Variants in FAM13A observed in about 807,000 individuals in gnomAD.
The protein encoded by FAM13A is family with sequence similarity 13 member A.
FAM13A carries 76 observed loss-of-function variants against 129.6 expected under a neutral mutation model. That is an observed-to-expected ratio of 0.59 (90% confidence interval 0.49 to 0.71). The LOEUF (loss-of-function observed/expected upper bound fraction) is 0.71. Ranked by LOEUF, FAM13A falls within the 30% of genes least tolerant of loss-of-function variation. The pLI is 0.00. For missense variants in FAM13A, 1,108 were observed against 1,249.3 expected (o/e 0.89, Z 1.70); for synonymous variants, 443 against 449.9 (o/e 0.98, Z 0.20).
intron 4 of FAM13A, among the ~76,000 whole-genome samples, chr4:88,987,413 C>G (rs896233858): frequency 6.6e-6 from 1 of 152,104 alleles, no homozygotes; most frequent in South Asian, 2.1e-4. Flanking sequence ...AATGCCACAG[C>G]CTTACAATAC....
intron 1 of FAM13A, among the ~76,000 whole-genome samples, chr4:89,047,559 A>G (rs571436865): frequency 6.4e-4 from 97 of 152,322 alleles, no homozygotes; most frequent in African/African-American, 2.2e-3. Context: ...AATTACATTG[A>G]GAAACATTTA....
At chr4:88,835,714 GT>G (rs1286864370) in intron 7 of FAM13A, among the ~76,000 whole-genome samples, 1 of 151,990 alleles carries the variant, frequency 6.6e-6, no homozygotes, top group African/African-American at 2.4e-5. Flanking sequence ...TGCATGTGTA[GT>G]TCCCAATAGG....
At chr4:89,008,444 T>C (rs1283944584) in intron 3 of FAM13A, among the ~76,000 whole-genome samples, 1 of 152,130 alleles carries the variant, frequency 6.6e-6, no homozygotes, top group Non-Finnish European at 1.5e-5. Flanking sequence ...AAAAGAGCCC[T>C]CACCAGAAAC....
chr4:88,946,168 C>G (rs1386270664), intron 4 of FAM13A, among the ~76,000 whole-genome samples: 1 of 150,668 alleles, frequency 6.6e-6, no homozygotes, highest in African/African-American at 2.4e-5. Flanking sequence ...TTGTTCTATT[C>G]CCCTTACCTA....
chr4:88,947,993 G>A (rs1461034142), intron 4 of FAM13A, among the ~76,000 whole-genome samples: 1 of 151,902 alleles, frequency 6.6e-6, no homozygotes, highest in Non-Finnish European at 1.5e-5. Context: ...GAATGATTAG[G>A]GAAAAAAGTC....
At chr4:89,001,325 T>C (rs542892887) in intron 3 of FAM13A, among the ~76,000 whole-genome samples, 2 of 152,346 alleles carry the variant, frequency 1.3e-5, no homozygotes, top group East Asian at 1.9e-4. Flanking sequence ...GTGCTGCTGA[T>C]TGATTGGTAC....
At chr4:88,809,856 A>T (rs1474220675) in intron 7 of FAM13A, among the ~76,000 whole-genome samples, 1 of 150,494 alleles carries the variant, frequency 6.6e-6, no homozygotes, top group Non-Finnish European at 1.5e-5. Flanking sequence ...AAAAAAAAAA[A>T]GTCCCGGTGG....
chr4:88,942,662 A>G (rs1561396279), intron 4 of FAM13A, among the ~76,000 whole-genome samples: 3 of 151,996 alleles, frequency 2.0e-5, no homozygotes, highest in East Asian at 3.9e-4. Flanking sequence ...TAAAAAGCTA[A>G]CAATGCAAGA....
At chr4:88,734,758 G>A (rs1304589069) in intron 21 of FAM13A, among the ~76,000 whole-genome samples, 3 of 152,230 alleles carry the variant, frequency 2.0e-5, no homozygotes, top group Non-Finnish European at 4.4e-5. Context: ...ACAAAGCACA[G>A]GGCAGTGCTG....
At chr4:88,898,739 C>T (rs1746761350) in intron 6 of FAM13A, among the ~76,000 whole-genome samples, 1 of 151,646 alleles carries the variant, frequency 6.6e-6, no homozygotes, top group Non-Finnish European at 1.5e-5. Flanking sequence ...TTATAAATGT[C>T]ATGGTGGCTA....
chr4:89,018,367 A>C (rs1314672721), intron 3 of FAM13A, among the ~76,000 whole-genome samples: 1 of 152,248 alleles, frequency 6.6e-6, no homozygotes, highest in Non-Finnish European at 1.5e-5. Context: ...GGAGAAACCA[A>C]CACTGCTGGC....
chr4:88,956,029 A>C (rs1172892310), intron 4 of FAM13A, among the ~76,000 whole-genome samples: 1 of 152,252 alleles, frequency 6.6e-6, no homozygotes, highest in East Asian at 1.9e-4. Flanking sequence ...CAGTAAGTTA[A>C]GGTTAATTTA....
chr4:88,946,950 T>C (rs984770622), intron 4 of FAM13A, among the ~76,000 whole-genome samples: 1 of 152,136 alleles, frequency 6.6e-6, no homozygotes, highest in African/African-American at 2.4e-5. Flanking sequence ...AAGGACATGT[T>C]GAAACTGCAA....
At chr4:88,826,085 C>A (rs772308202) in intron 7 of FAM13A, among the ~76,000 whole-genome samples, 1 of 152,072 alleles carries the variant, frequency 6.6e-6, no homozygotes, top group East Asian at 1.9e-4. Flanking sequence ...AGTGGGAGTG[C>A]CATTCATGAC....
At position 88,945,848 on chromosome 4, in the gene FAM13A, GTA is replaced by G. The variant is rs199669630; in HGVS notation, c.606-7609_606-7608del. On this transcript the variant is annotated intron_variant, in intron 4 of 23. Coordinates refer to ENST00000264344, the MANE Select transcript of FAM13A (RefSeq NM_014883.4). ...TACTACATATTCTATGTGTGTGTGT[GTA>G]TATATATATACACATAGAATACATA... 3.5e-3 allele frequency among the ~76,000 whole-genome samples: 434 copies of G among 122,914 alleles called. 1 individual carries two copies. The highest frequency in any genetic ancestry group is 0.02 in the Middle Eastern group (5 of 252). 80.6% of individuals were successfully genotyped at this position (122,914 alleles called of 152,430 possible). A position where few individuals can be genotyped will look rare whatever the true frequency, so the allele number is the denominator to read the frequency against.
intron 4 of FAM13A, among the ~76,000 whole-genome samples, chr4:88,980,257 C>G (rs937614472): frequency 1.3e-5 from 2 of 152,090 alleles, no homozygotes; most frequent in African/African-American, 4.8e-5. Flanking sequence ...TATAAACTGA[C>G]GTGTGACCAG....
intron 4 of FAM13A, among the ~76,000 whole-genome samples, chr4:88,949,156 A>G (rs1756491005): frequency 6.6e-6 from 1 of 152,210 alleles, no homozygotes; most frequent in Non-Finnish European, 1.5e-5. Flanking sequence ...TTATGTGTAT[A>G]AGCCTTCTAT....
At chr4:88,796,183 A>C (rs1229699093) in intron 8 of FAM13A, among the ~76,000 whole-genome samples, 1 of 151,770 alleles carries the variant, frequency 6.6e-6, no homozygotes, top group Non-Finnish European at 1.5e-5. Flanking sequence ...TTATTCTATA[A>C]ATTTTCATAT....
intron 3 of FAM13A, among the ~76,000 whole-genome samples, chr4:88,995,616 C>A (rs1763446277): frequency 6.6e-6 from 1 of 152,152 alleles, no homozygotes; most frequent in South Asian, 2.1e-4. Flanking sequence ...GGGCCTTCAG[C>A]CACAGACTGA....
Sources: allele counts gnomAD v4.1 joint callset (sites outside exome capture counted in the v4.1 genomes callset), GRCh38; gene constraint gnomAD v4.1.1; transcripts MANE v1.5; gene names NCBI Gene and HGNC (gene_info 2026-07-23, HGNC 2026-07-21).